TBX6: variants seen among roughly 807,000 people sequenced by gnomAD.
The protein encoded by TBX6 is T-box transcription factor 6.
TBX6 carries 29 observed loss-of-function variants against 42.3 expected under a neutral mutation model. The observed-to-expected ratio is 0.69, with a 90% CI of 0.51 to 0.93. TBX6 has a LOEUF of 0.93. Among genes scored for constraint, TBX6 ranks in the 40% least tolerant of loss-of-function variants. The probability of loss-of-function intolerance (pLI) is 0.00; values close to 1 mark genes in which losing one functional copy is unlikely to be tolerated. For synonymous variants in TBX6, 249 were observed against 245.1 expected (o/e 1.02, Z -0.15); for missense variants, 569 against 603.3 (o/e 0.94, Z 0.59).
rs138561030 is a variant in TBX6, at chr16:30,088,708, G to C, written c.753C>G (p.Ala251=). The C allele has an allele frequency of 5.0e-6, 8 of 1,614,056 alleles. No homozygotes were observed. The African/African-American group carries it at 1.1e-4, about 22-fold the overall frequency. ...FPETTFISVT[A]YQNPQITQLK... ...GGTCACTCACCTGTGGGTTCTGGTA[G>C]GCTGTCACGGAGATGAATGTGGTCT... Residue 251 remains alanine (A), a synonymous_variant, in exon 5 of 9, where the codon GCC becomes GCG. Coordinates refer to ENST00000395224, the MANE Select transcript of TBX6 (RefSeq NM_004608.4). The surrounding 1 kb of genome is among the most constrained non-coding windows in gnomAD (Gnocchi z 4.1).
rs781033108 is a variant in TBX6 at position 30,085,959 on chromosome 16, T to C, written c.*266A>G. 1.7e-5 allele frequency: 8 copies of C among 475,078 alleles called. No homozygotes were observed. The highest frequency in any genetic ancestry group is 3.0e-5 in the Non-Finnish European group (8 of 268,518). 29.4% of individuals were successfully genotyped at this position (475,078 alleles called of 1,614,324 possible). ...GGGGATGCTGGTCTGTGGCCCCATT[T>C]GGCCAGGCAGAGCCCCTTCCATTCA... On this transcript the variant is annotated 3_prime_UTR_variant, in exon 9 of 9. Coordinates refer to ENST00000395224, the MANE Select transcript of TBX6 (RefSeq NM_004608.4).
At chr16:30,087,200 C>T (rs1013109448) in intron 6 of TBX6, among the ~76,000 whole-genome samples, 3 of 152,170 alleles carry the variant, frequency 2.0e-5, no homozygotes, top group Admixed American at 2.0e-4. Flanking sequence ...GTCCCCTCTT[C>T]ACGGGCTGAA....
In TBX6 at chr16:30,088,903, A is replaced by AC. The variant is rs1014115666; in HGVS notation, c.621+39dup. 2.5e-6 allele frequency: 4 copies of AC among 1,600,876 alleles called. No homozygotes were observed. Among genetic ancestry groups the AC allele is most frequent in the Middle Eastern group, 1.7e-4 (1 of 6,012 alleles). On this transcript the variant is annotated intron_variant, in intron 4 of 8. Coordinates refer to ENST00000395224, the MANE Select transcript of TBX6 (RefSeq NM_004608.4). The surrounding 1 kb of genome is among the most constrained non-coding windows in gnomAD (Gnocchi z 4.1). ...CCTCACCCTTGGCCTCCCTTCCAGC[A>AC]CCCCCCAACCCTATCCTGGAGTCCC...
In TBX6 at chr16:30,089,094, C is replaced by G; in HGVS notation, c.470G>C (p.Arg157Pro). Residue 157 changes from arginine (R) to proline (P), a missense_variant, in exon 4 of 9, where the codon CGC (arginine) becomes CCC (proline). Around this residue, in one of 3 missense-constraint regions of TBX6, gnomAD observed 190 missense variants for 250.6 expected, o/e 0.76. Transcript: ENST00000395224. ...DGARYRWQGRRWEPSGKAEPR... is the reference protein window; with the variant it reads ...DGARYRWQGRPWEPSGKAEPR... ...CTCTGCCTTGCCGCTGGGCTCCCAG[C>G]GCCGGCCCTGCCAGCGGTAGCGAGC... 1 of 1,613,856 alleles carries G rather than the reference C, an allele frequency of 6.2e-7. No individual in the cohort carries two copies. Among genetic ancestry groups the G allele is most frequent in the Non-Finnish European group, 8.5e-7 (1 of 1,179,978 alleles).
rs1200121314 is a variant in TBX6 at position 30,086,236 on chromosome 16, G to A, written c.1300C>T (p.Pro434Ser). 1.2e-6 allele frequency: 2 copies of A among 1,611,830 alleles called. No individual in the cohort carries two copies. Among genetic ancestry groups the A allele is most frequent in the Non-Finnish European group, 1.7e-6 (2 of 1,179,670 alleles). Reference sequence around the variant, plus strand: ...GGCCCAGCAGTGGTTCAGTACATGGGTTTGGAGCCCACATCCAGATAGCCC... The same window carrying A: ...GGCCCAGCAGTGGTTCAGTACATGGATTTGGAGCCCACATCCAGATAGCCC... ...PGGYLDVGSKPMY is the reference protein window; with the variant it reads ...PGGYLDVGSKSMY Residue 434 changes from proline to serine, a missense_variant, in exon 9 of 9, where the codon CCC (proline) becomes TCC (serine). Physicochemically the swap from Pro to Ser is moderately conservative, Grantham distance 74 (BLOSUM62 -1). This residue lies in a region of TBX6 where 245 missense variants were observed against 227.4 expected (regional missense o/e 1.08). Transcript: ENST00000395224. The surrounding 1 kb of genome is among the most constrained non-coding windows in gnomAD (Gnocchi z 4.6).
chr16:30,087,054 C>G (rs1448935079), intron 6 of TBX6, among the ~76,000 whole-genome samples: 2 of 152,154 alleles, frequency 1.3e-5, no homozygotes, highest in Non-Finnish European at 2.9e-5. Context: ...TGTCCCTGCT[C>G]AAATTTGTCC....
rs1273309950 is a variant in TBX6 at position 30,088,232 on chromosome 16, C to G, written c.839+313G>C. The G allele has an allele frequency of 1.0e-5, 4 of 391,506 alleles. No homozygotes were observed. The highest frequency in any genetic ancestry group is 1.9e-5 in the Non-Finnish European group (4 of 206,908). 24.3% of individuals were successfully genotyped at this position (391,506 alleles called of 1,614,324 possible). On this transcript the variant is annotated intron_variant, in intron 6 of 8. Transcript: ENST00000395224. This position sits in a 1 kb window ranked among gnomAD's most constrained non-coding sequence, Gnocchi z 4.1. ...GGATTACATGCGTGAGCCACCACAC[C>G]TGGTCTCTCTTCTCTTTAGAATGGC...
chr16:30,090,893 A>G lies in TBX6; in HGVS notation c.218T>C (p.Met73Thr). 1 of 1,611,054 alleles carries G rather than the reference A, an allele frequency of 6.2e-7. No individual in the cohort carries two copies. The highest frequency in any genetic ancestry group is 8.5e-7 in the Non-Finnish European group (1 of 1,178,384). ...AGCTGATGGGGCCGGCTCAGTGCCC[A>G]TGGCAGGGGGCAGAAGGGGCAGAGG... ...HPPLPLLPPA[M>T]GTEPAPSAPE... The change falls in exon 3 of 9, where the codon ATG becomes ACG. Residue 73 changes from methionine to threonine, a missense_variant. Transcript: ENST00000395224.
intron 1 of TBX6, 84 bp from the exon 2 acceptor site, chr16:30,091,325 G>T: frequency 1.2e-6 from 1 of 821,380 alleles, no homozygotes; most frequent in Non-Finnish European, 1.8e-6. Context: ...GGGCCCTGGA[G>T]TTGGGCTGGG....
Position 30,090,738 on chromosome 16 carries a change from G to C in TBX6, c.353+20C>G. The C allele has an allele frequency of 6.2e-7, 1 of 1,607,166 alleles. No homozygotes were observed. Among genetic ancestry groups the C allele is most frequent in the Non-Finnish European group, 8.5e-7 (1 of 1,176,514 alleles). ...CCAAGAGACCCCCACCAGAAACACG[G>C]ACCCTGGCCAGCCCCTCACCTCCCA... On this transcript the variant is annotated intron_variant, in intron 3 of 8. Coordinates refer to ENST00000395224, the MANE Select transcript of TBX6 (RefSeq NM_004608.4).
Position 30,085,877 on chromosome 16 carries a change from G to T in TBX6, c.*348C>A. 3.0e-6 allele frequency: 1 copy of T among 335,782 alleles called. No homozygotes were observed. Among genetic ancestry groups the T allele is most frequent in the Non-Finnish European group, 5.5e-6 (1 of 182,240 alleles). 20.8% of individuals were successfully genotyped at this position (335,782 alleles called of 1,614,324 possible). ...ACAGACTGGTGTGGCCTGCACCAGT[G>T]TGTGTGGGGGGGTGGGGATTGAGCC... On this transcript the variant is annotated 3_prime_UTR_variant, in exon 9 of 9. Coordinates refer to ENST00000395224, the MANE Select transcript of TBX6 (RefSeq NM_004608.4).
At chr16:30,087,467 T>C (rs2072654021) in intron 6 of TBX6, among the ~76,000 whole-genome samples, 1 of 151,998 alleles carries the variant, frequency 6.6e-6, no homozygotes, top group African/African-American at 2.4e-5. Flanking sequence ...CCCTCCCTCA[T>C]AACATCCGTC....
chr16:30,088,763 C>G lies in TBX6; in HGVS notation c.698G>C (p.Trp233Ser), dbSNP rs1197998236. 1.9e-6 allele frequency: 3 copies of G among 1,613,936 alleles called. No homozygotes were observed. The highest frequency in any genetic ancestry group is 4.5e-5 in the East Asian group (2 of 44,878). ...GAAGCGGAAGGAGGCCATGCCCCCCCAGTGCTGGCTGCAGAGCTGGGCTGC... is the reference window on the plus strand; with the variant it reads ...GAAGCGGAAGGAGGCCATGCCCCCCGAGTGCTGGCTGCAGAGCTGGGCTGC... ...VRAAQLCSQHWGGMASFRFPE... is the reference protein window; with the variant it reads ...VRAAQLCSQHSGGMASFRFPE... The change falls in exon 5 of 9, where the codon TGG becomes TCG. Residue 233 changes from tryptophan to serine, a missense_variant. Coordinates refer to ENST00000395224, the MANE Select transcript of TBX6 (RefSeq NM_004608.4). This position sits in a 1 kb window ranked among gnomAD's most constrained non-coding sequence, Gnocchi z 4.1.
At position 30,086,788 on chromosome 16, in the gene TBX6, A is replaced by G. The variant is rs751744986; in HGVS notation, c.903T>C (p.Tyr301=). The G allele has an allele frequency of 3.3e-5, 53 of 1,613,868 alleles. No individual in the cohort carries two copies. The highest frequency in any genetic ancestry group is 4.3e-5 in the Non-Finnish European group (51 of 1,179,968). Residue 301 remains tyrosine (Y), a synonymous_variant, in exon 7 of 9, where the codon TAT becomes TAC. Coordinates refer to ENST00000395224, the MANE Select transcript of TBX6 (RefSeq NM_004608.4). The surrounding 1 kb of genome is among the most constrained non-coding windows in gnomAD (Gnocchi z 4.6). The part of the protein sequence containing the change: ...RGPEPAATEA[Y]GSGDTPGGPC... ...CGGGACTACACTCACCTCCGCTCCC[A>G]TAGGCCTCTGTGGCTGCTGGCTCTG... is the stretch of plus-strand genomic sequence containing the variant.
intron 3 of TBX6, among the ~76,000 whole-genome samples, chr16:30,090,236 CGAG>C (rs1281606050): frequency 6.6e-6 from 1 of 152,144 alleles, no homozygotes; most frequent in Admixed American, 6.5e-5. Context: ...GCAGTAGGGC[CGAG>C]GACTTTCCAT....
rs1450205423 is a variant in TBX6 at position 30,088,839 on chromosome 16, G to C, written c.622C>G (p.Leu208Val). ...TACTTGTGCATGGAGTGCAGGATCA[G>C]CTGGGAGGGAGGAAATGGGAGTGAT... The part of the protein sequence containing the change: ...TNSTLDPHGH[L>V]ILHSMHKYQP... The change falls in exon 5 of 9, where the codon CTG becomes GTG. Residue 208 changes from leucine to valine, a missense_variant and splice_region_variant. Around this residue, in one of 3 missense-constraint regions of TBX6, gnomAD observed 190 missense variants for 250.6 expected, o/e 0.76. Transcript: ENST00000395224. This position sits in a 1 kb window ranked among gnomAD's most constrained non-coding sequence, Gnocchi z 4.1. 6.2e-7 allele frequency: 1 copy of C among 1,613,478 alleles called. No individual in the cohort carries two copies. Among genetic ancestry groups the C allele is most frequent in the Non-Finnish European group, 8.5e-7 (1 of 1,179,560 alleles).
In TBX6 at chr16:30,086,210, G is replaced by A. The variant is rs2072624299; in HGVS notation, c.*15C>T. On this transcript the variant is annotated 3_prime_UTR_variant, in exon 9 of 9. Coordinates refer to ENST00000395224, the MANE Select transcript of TBX6 (RefSeq NM_004608.4). The surrounding 1 kb of genome is among the most constrained non-coding windows in gnomAD (Gnocchi z 4.6). The stretch of plus-strand genomic sequence containing the variant: ...CGGGAGGTTTGTGATGGAGGCAGAG[G>A]GGCCCAGCAGTGGTTCAGTACATGG... 6.2e-7 allele frequency: 1 copy of A among 1,608,858 alleles called. No individual in the cohort carries two copies.
In TBX6 at chr16:30,086,796, CTG is replaced by C. The variant is rs1567340284; in HGVS notation, c.893_894del (p.Thr298ArgfsTer23). ...CACTCACCTCCGCTCCCATAGGCCT[CTG>C]TGGCTGCTGGCTCTGGGCCCCGCAG... is the stretch of plus-strand genomic sequence containing the variant. ...RKLRGPEPAA[T>X]EAYGSGDTPG... On this transcript the variant is annotated frameshift_variant, in exon 7 of 9. Transcript: ENST00000395224. LOFTEE classifies it high-confidence loss of function. This position sits in a 1 kb window ranked among gnomAD's most constrained non-coding sequence, Gnocchi z 4.6. 1.9e-6 allele frequency: 3 copies of C among 1,614,010 alleles called. No individual in the cohort carries two copies. Among genetic ancestry groups the C allele is most frequent in the South Asian group, 1.1e-5 (1 of 91,074 alleles).
rs746294370 is a variant in TBX6 at position 30,088,641 on chromosome 16, G to C, written c.769-26C>G. 1 of 1,614,168 alleles carries C rather than the reference G, an allele frequency of 6.2e-7. No individual in the cohort carries two copies. Among genetic ancestry groups the C allele is most frequent in the Non-Finnish European group, 8.5e-7 (1 of 1,180,028 alleles). Reference sequence around the variant, plus strand: ...CTGGGGACACACATGCAGGGTCAAAGCAACTGCGGTCTGGGCAGGGGGCCA... The same window carrying C: ...CTGGGGACACACATGCAGGGTCAAACCAACTGCGGTCTGGGCAGGGGGCCA... On this transcript the variant is annotated intron_variant, in intron 5 of 8. Transcript: ENST00000395224. The surrounding 1 kb of genome is among the most constrained non-coding windows in gnomAD (Gnocchi z 4.1).
Sources: allele counts gnomAD v4.1 joint callset (sites outside exome capture counted in the v4.1 genomes callset), GRCh38; gene constraint gnomAD v4.1.1; regional missense constraint gnomAD v4.1.1; non-coding constraint Gnocchi (gnomAD v3.1); transcripts MANE v1.5; gene names NCBI Gene and HGNC (gene_info 2026-07-23, HGNC 2026-07-21).